CCDC171: variants seen among roughly 807,000 people sequenced by gnomAD.
CCDC171 encodes the protein coiled-coil domain-containing protein 171.
In CCDC171, 177 loss-of-function variants were observed where a neutral mutation model predicts 168.2. That is an observed-to-expected ratio of 1.05 (90% CI 0.93 to 1.19). CCDC171 has a LOEUF of 1.19. Ranked by LOEUF, CCDC171 falls within the 50% of genes most tolerant of loss-of-function variation. The probability of loss-of-function intolerance (pLI) is 0.00; values close to 1 mark genes in which losing one functional copy is unlikely to be tolerated. For synonymous variants in CCDC171, 687 were observed against 540.8 expected (o/e 1.27, Z -3.75); for missense variants, 1,991 against 1,539.0 (o/e 1.29, Z -4.91).
intron 7 of CCDC171, among the ~76,000 whole-genome samples, chr9:15,655,303 G>C (rs2047842233): frequency 6.6e-6 from 1 of 151,916 alleles, no homozygotes; most frequent in East Asian, 1.9e-4. Flanking sequence ...TGTCCCTATT[G>C]AACTACCCCA....
chr9:15,615,947 T>C (rs2044050831), intron 6 of CCDC171, among the ~76,000 whole-genome samples: 1 of 151,890 alleles, frequency 6.6e-6, no homozygotes, highest in Non-Finnish European at 1.5e-5. Flanking sequence ...CAGCTAATTT[T>C]TGTTTATTTA....
intron 4 of CCDC171, among the ~76,000 whole-genome samples, chr9:15,583,252 T>G (rs1244289271): frequency 6.6e-6 from 1 of 151,700 alleles, no homozygotes; most frequent in East Asian, 1.9e-4. Flanking sequence ...CCGTCTCTAC[T>G]AAAAATACAA....
intron 11 of CCDC171, among the ~76,000 whole-genome samples, chr9:15,703,834 G>A (rs146883540): frequency 1.2e-4 from 19 of 152,244 alleles, no homozygotes; most frequent in Admixed American, 1.2e-3. Flanking sequence ...CTCCATACTA[G>A]AGCATACAAC....
chr9:15,626,900 C>T (rs2045176195), intron 7 of CCDC171, among the ~76,000 whole-genome samples: 1 of 152,158 alleles, frequency 6.6e-6, no homozygotes, highest in Non-Finnish European at 1.5e-5. Flanking sequence ...GGTACCAGCT[C>T]CTCCTTGTAC....
At chr9:15,899,088 G>C (rs1477052301) in intron 24 of CCDC171, among the ~76,000 whole-genome samples, 1 of 152,052 alleles carries the variant, frequency 6.6e-6, no homozygotes, top group Non-Finnish European at 1.5e-5. Context: ...TTTTGAGTTG[G>C]CTTTTTCACT....
intron 23 of CCDC171, among the ~76,000 whole-genome samples, chr9:15,849,306 T>C (rs7852250): frequency 0.86 from 129,614 of 150,864 alleles, 56,789 homozygotes; most frequent in Non-Finnish European, 0.94. Flanking sequence ...CTTAAACCAA[T>C]GGTCCTATAT....
intron 7 of CCDC171, among the ~76,000 whole-genome samples, chr9:15,628,267 T>C (rs897443826): frequency 2.0e-5 from 3 of 151,896 alleles, no homozygotes; most frequent in Non-Finnish European, 2.9e-5. Context: ...GGAGTTCCCT[T>C]TCCTAGTCAA....
At chr9:15,877,735 T>C (rs1271358128) in intron 24 of CCDC171, among the ~76,000 whole-genome samples, 1 of 152,178 alleles carries the variant, frequency 6.6e-6, no homozygotes. Context: ...GTAGTGTGAA[T>C]GCAGAGAACT....
intron 18 of CCDC171, among the ~76,000 whole-genome samples, chr9:15,758,432 G>A (rs186325079): frequency 5.4e-4 from 82 of 152,324 alleles, no homozygotes; most frequent in African/African-American, 1.9e-3. Flanking sequence ...TACCTCCACT[G>A]TATCTAGGAA....
At position 15,724,877 on chromosome 9, in the gene CCDC171, A is replaced by G. The variant is rs1364457248; in HGVS notation, c.1593A>G (p.Leu531=). Residue 531 remains leucine (L), a synonymous_variant, in exon 14 of 26, where the codon CTA becomes CTG. Transcript: ENST00000380701. ...TAATAAGCACTTTAAAAGTGGAACTACAAAATGTGCTGCACTGTTGGGAGA... is the reference window on the plus strand; with the variant it reads ...TAATAAGCACTTTAAAAGTGGAACTGCAAAATGTGCTGCACTGTTGGGAGA... The part of the protein sequence containing the change: ...EALISTLKVE[L]QNVLHCWEKE... 4 of 1,613,740 alleles carry G rather than the reference A, an allele frequency of 2.5e-6. No homozygotes were observed. Among genetic ancestry groups the G allele is most frequent in the Non-Finnish European group, 3.4e-6 (4 of 1,179,786 alleles).
chr9:15,875,163 A>C (rs903674699), intron 24 of CCDC171: 2 of 152,208 alleles, frequency 1.3e-5, no homozygotes, highest in African/African-American at 4.8e-5. Flanking sequence ...GCTTAAACTT[A>C]TCTGTGTTTT....
intron 4 of CCDC171, chr9:16,022,262 A>G (rs1185981164): frequency 6.6e-6 from 1 of 152,278 alleles, no homozygotes; most frequent in Non-Finnish European, 1.5e-5. Flanking sequence ...GGAAAGTCTC[A>G]AGGGAGGTTA....
chr9:15,566,552 T>G (rs1249840427), intron 2 of CCDC171, among the ~76,000 whole-genome samples: 2 of 152,250 alleles, frequency 1.3e-5, no homozygotes, highest in East Asian at 3.9e-4. Context: ...GAGCGAGACT[T>G]TGTCTCAACA....
chr9:15,889,662 A>C (rs756047293), intron 24 of CCDC171, among the ~76,000 whole-genome samples: 5 of 152,182 alleles, frequency 3.3e-5, no homozygotes, highest in Non-Finnish European at 5.9e-5. Context: ...GAATCCTCTG[A>C]GGCATTATTT....
chr9:15,859,234 A>G (rs1484257399), intron 23 of CCDC171, among the ~76,000 whole-genome samples: 1 of 152,034 alleles, frequency 6.6e-6, no homozygotes, highest in Non-Finnish European at 1.5e-5. Flanking sequence ...CCAGGGATAA[A>G]TCCCACTTTG....
chr9:15,894,313 C>G (rs1820608031), intron 24 of CCDC171, among the ~76,000 whole-genome samples: 1 of 152,026 alleles, frequency 6.6e-6, no homozygotes, highest in Non-Finnish European at 1.5e-5. Context: ...GGAAGGATAG[C>G]TAATGGATGC....
intron 18 of CCDC171, among the ~76,000 whole-genome samples, chr9:15,777,241 A>T (rs559164236): frequency 1.9e-4 from 29 of 152,354 alleles, no homozygotes; most frequent in African/African-American, 5.8e-4. Context: ...TTGTCTGAGA[A>T]TATAAATAGT....
rs1831480746 is a variant in CCDC171, at chr9:15,972,895, A to G, written c.*1059A>G. 1 of 152,134 alleles carries G rather than the reference A, an allele frequency of 6.6e-6. No individual in the cohort carries two copies. Among genetic ancestry groups the G allele is most frequent in the Admixed American group, 6.6e-5 (1 of 15,264 alleles). The allele number at this position is 152,134 out of a possible 1,614,324, so 9.4% of individuals were successfully genotyped here. A position where few individuals can be genotyped will look rare whatever the true frequency, so the allele number is the denominator to read the frequency against. ...GTGTCTTGCAACCAAGTGGTCAAAT[A>G]TCAAATAATAGGTCAAGCAGGAAGG... On this transcript the variant is annotated 3_prime_UTR_variant, in exon 26 of 26. Transcript: ENST00000380701.
intron 6 of CCDC171, among the ~76,000 whole-genome samples, chr9:15,621,619 T>C (rs551173188): frequency 6.6e-6 from 1 of 152,084 alleles, no homozygotes; most frequent in South Asian, 2.1e-4. Flanking sequence ...TATTAAAAAG[T>C]CAAAAAATAA....
Sources: gnomAD v4.1 joint callset for allele counts (sites outside exome capture counted in the v4.1 genomes callset) on GRCh38, gnomAD v4.1.1 for gene constraint, MANE v1.5 for transcripts, NCBI Gene and HGNC (gene_info 2026-07-23, HGNC 2026-07-21) for gene names.